Variants in RGS6 observed in about 807,000 individuals in gnomAD.
RGS6 encodes regulator of G protein signaling 6, also known as regulator of G-protein signaling 6.
A neutral mutation model predicts 78.5 loss-of-function variants in RGS6; 30 were observed. The observed-to-expected ratio is 0.38, with a 90% CI of 0.29 to 0.52. The LOEUF (loss-of-function observed/expected upper bound fraction) is 0.52, where lower values mean the gene tolerates loss of function less well. Among genes scored for constraint, RGS6 ranks in the 20% least tolerant of loss-of-function variants. The pLI is 0.85. For missense variants in RGS6, 495 were observed against 609.7 expected (o/e 0.81, Z 1.98); for synonymous variants, 206 against 206.0 (o/e 1.00, Z 0.00).
chr14:72,077,410 T>C (rs1051418168), intron 2 of RGS6, among the ~76,000 whole-genome samples: 6 of 152,206 alleles, frequency 3.9e-5, no homozygotes, highest in Non-Finnish European at 7.3e-5. Flanking sequence ...TAGTTTTTTT[T>C]CGTTCCTTCA....
chr14:72,577,343 G>A, the RGS6 span, among the ~76,000 whole-genome samples: 1 of 152,216 alleles, frequency 6.6e-6, no homozygotes, highest in Non-Finnish European at 1.5e-5. Flanking sequence ...CCAGACATCA[G>A]AGCAAAGAAG....
At chr14:71,948,374 G>A (rs2091842893) in intron 1 of RGS6, among the ~76,000 whole-genome samples, 1 of 152,052 alleles carries the variant, frequency 6.6e-6, no homozygotes, top group South Asian at 2.1e-4. Context: ...ACAACCTCTG[G>A]CTCCTTCATC....
In RGS6 at chr14:72,540,416, A is replaced by T; in HGVS notation, c.1422+322A>T. 2.0e-6 allele frequency: 3 copies of T among 1,467,992 alleles called. No homozygotes were observed. The South Asian group carries it at 4.2e-5, about 21-fold the overall frequency. 90.9% of individuals were successfully genotyped at this position (1,467,992 alleles called of 1,614,324 possible). A position where few individuals can be genotyped will look rare whatever the true frequency, so the allele number is the denominator to read the frequency against. On this transcript the variant is annotated intron_variant, in intron 17 of 17. Coordinates refer to ENST00000553525, the MANE Select transcript of RGS6 (RefSeq NM_001204424.2). ...GCCCTCGGGGCTGTGCGGTTTGTGCATCTTCTGCAGCAGCTCAGGGAGAAG... is the reference window on the plus strand; with the variant it reads ...GCCCTCGGGGCTGTGCGGTTTGTGCTTCTTCTGCAGCAGCTCAGGGAGAAG...
At chr14:72,071,670 C>T (rs564225076) in intron 2 of RGS6, among the ~76,000 whole-genome samples, 1 of 152,208 alleles carries the variant, frequency 6.6e-6, no homozygotes, top group Admixed American at 6.5e-5. Context: ...TGTGCATATT[C>T]GTAGTCATAC....
rs557723897 is a variant in RGS6, at chr14:72,219,636, A to G, written c.85-132459A>G. Among the ~76,000 whole-genome samples the G allele has an allele frequency of 1.8e-4, 27 of 152,186 alleles. No homozygotes were observed. In the East Asian group the frequency reaches 5.0e-3, roughly 28 times the overall value. ...GGATATCAATACTTTGTTATATGTTATGTAAATACTTTTTTATTCTATTGC... is the reference window on the plus strand; with the variant it reads ...GGATATCAATACTTTGTTATATGTTGTGTAAATACTTTTTTATTCTATTGC... On this transcript the variant is annotated intron_variant, in intron 2 of 17. Transcript: ENST00000553525.
At chr14:72,604,857 T>C in the RGS6 span, among the ~76,000 whole-genome samples, 1 of 152,168 alleles carries the variant, frequency 6.6e-6, no homozygotes, top group Non-Finnish European at 1.5e-5. Flanking sequence ...TATTTCTCTG[T>C]TTGGCAAATA....
intron 2 of RGS6, among the ~76,000 whole-genome samples, chr14:72,305,219 A>T (rs939344429): frequency 6.6e-6 from 1 of 151,980 alleles, no homozygotes; most frequent in African/African-American, 2.4e-5. Flanking sequence ...ATCACTTATC[A>T]TTTGTCTTTG....
At chr14:72,169,265 T>C (rs904857680) in intron 2 of RGS6, among the ~76,000 whole-genome samples, 1 of 152,186 alleles carries the variant, frequency 6.6e-6, no homozygotes, top group African/African-American at 2.4e-5. Flanking sequence ...CGTTTTTTGA[T>C]TCAAAGGGTA....
chr14:72,363,385 C>T (rs10148726), intron 3 of RGS6, among the ~76,000 whole-genome samples: 7,090 of 152,254 alleles, frequency 0.047, 312 homozygotes, highest in Middle Eastern at 0.13. Flanking sequence ...TGTACAGCCA[C>T]GCATCATTAA....
intron 3 of RGS6, among the ~76,000 whole-genome samples, chr14:72,385,633 A>C (rs2087721340): frequency 6.6e-6 from 1 of 152,128 alleles, no homozygotes; most frequent in Non-Finnish European, 1.5e-5. Flanking sequence ...AAGGAAGCTG[A>C]CCTGCCCTGC....
Position 71,966,596 on chromosome 14 carries a change from G to C in RGS6, c.84+1721G>C, listed in dbSNP as rs567744692. ...CCACTCTTTAGCAGTATGACTGTAA[G>C]TTAGTTCTTTAACTTCCATGAGCCA... is the stretch of plus-strand genomic sequence containing the variant. On this transcript the variant is annotated intron_variant, in intron 2 of 17. Coordinates refer to ENST00000553525, the MANE Select transcript of RGS6 (RefSeq NM_001204424.2). Among the ~76,000 whole-genome samples the C allele has an allele frequency of 3.3e-5, 5 of 152,206 alleles. No individual in the cohort carries two copies. The South Asian group carries it at 8.3e-4, about 25-fold the overall frequency.
intron 2 of RGS6, among the ~76,000 whole-genome samples, chr14:72,154,067 G>A (rs528640003): frequency 3.3e-5 from 5 of 152,068 alleles, no homozygotes; most frequent in Non-Finnish European, 7.4e-5. Flanking sequence ...GAATGCATTC[G>A]TTTCCTAGCG....
At chr14:72,459,570 G>T in intron 5 of RGS6, 62 bp from the exon 6 acceptor site, 1 of 1,523,282 alleles carries the variant, frequency 6.6e-7, no homozygotes, top group Non-Finnish European at 9.1e-7. Context: ...TCCTCCCTGG[G>T]TGTGGGAGGG....
At chr14:72,053,079 CCCTTCCTTCCTTCCTT>C (rs1226350902) in intron 2 of RGS6, among the ~76,000 whole-genome samples, 247 of 16,982 alleles carry the variant, frequency 0.015, 3 homozygotes, top group Middle Eastern at 0.062. Flanking sequence ...CTCCCTCCCT[CCCTTCCTTCCTTCCTT>C]CCTTCCTTCC....
chr14:72,068,321 G>A (rs956638802), intron 2 of RGS6, among the ~76,000 whole-genome samples: 12 of 151,770 alleles, frequency 7.9e-5, no homozygotes, highest in Admixed American at 6.6e-4. Flanking sequence ...TTTTTGCAGA[G>A]AGGGGGTTTT....
At chr14:72,567,416 C>T (rs2097714740), downstream of RGS6, among the ~76,000 whole-genome samples, 1 of 152,212 alleles carries the variant, frequency 6.6e-6, no homozygotes, top group Non-Finnish European at 1.5e-5. Context: ...GGCTTAGTTC[C>T]AGAATCTTTG....
chr14:72,576,055 T>G, the RGS6 span, among the ~76,000 whole-genome samples: 1 of 152,194 alleles, frequency 6.6e-6, no homozygotes, highest in Non-Finnish European at 1.5e-5. Context: ...GCCATTTGGT[T>G]TTTCAGTCAT....
In RGS6 at chr14:72,476,171, T is replaced by A. The variant is rs910197338; in HGVS notation, c.694-571T>A. Among the ~76,000 whole-genome samples the A allele has an allele frequency of 2.6e-5, 4 of 152,154 alleles. No homozygotes were observed. The South Asian group carries it at 8.3e-4, about 32-fold the overall frequency. On this transcript the variant is annotated intron_variant, in intron 10 of 17. Coordinates refer to ENST00000553525, the MANE Select transcript of RGS6 (RefSeq NM_001204424.2). ...TTAAATGTAGCTATAGCTACGGACA[T>A]GTGGAAAAACTTAGGCCAGAAAACT...
chr14:72,569,557 G>A (rs1320201847), downstream of RGS6, among the ~76,000 whole-genome samples: 1 of 152,120 alleles, frequency 6.6e-6, no homozygotes, highest in Admixed American at 6.5e-5. Context: ...GCAGGCACCT[G>A]TAATCCCAGC....
Sources: allele counts gnomAD v4.1 joint callset (sites outside exome capture counted in the v4.1 genomes callset), GRCh38; gene constraint gnomAD v4.1.1; transcripts MANE v1.5; gene names NCBI Gene and HGNC (gene_info 2026-07-23, HGNC 2026-07-21).